The following RTTN variants were observed in gnomAD, a reference collection of about 807,000 sequenced individuals.
RTTN encodes rotatin.
A neutral mutation model predicts 269.2 loss-of-function variants in RTTN; 182 were observed. The ratio of observed to expected loss-of-function variants is 0.68; its 90% CI spans 0.60 to 0.76. The LOEUF (loss-of-function observed/expected upper bound fraction) is 0.76, where lower values mean the gene tolerates loss of function less well. RTTN is among the 30% of genes least tolerant of loss of function. The probability of loss-of-function intolerance (pLI) is 0.00; values close to 1 mark genes in which losing one functional copy is unlikely to be tolerated. For synonymous variants in RTTN, 1,006 were observed against 963.5 expected, an observed-to-expected ratio of 1.04 and a Z score of -0.82; for missense variants, 2,545 against 2,608.6, an observed-to-expected ratio of 0.98 and a Z score of 0.53.
chr18:70,043,109 G>C (rs2057393047), intron 40 of RTTN, among the ~76,000 whole-genome samples: 1 of 152,206 alleles, frequency 6.6e-6, no homozygotes, highest in Non-Finnish European at 1.5e-5. Flanking sequence ...AGGTTAGAAG[G>C]AATTGGGAAG....
intron 26 of RTTN, among the ~76,000 whole-genome samples, chr18:70,116,746 T>C (rs2059611102): frequency 6.6e-6 from 1 of 152,036 alleles, no homozygotes. Flanking sequence ...CAACTTTACA[T>C]CCATCAGCAA....
chr18:70,196,015 A>G (rs887861368), intron 7 of RTTN, among the ~76,000 whole-genome samples: 4 of 152,160 alleles, frequency 2.6e-5, no homozygotes, highest in African/African-American at 9.7e-5. Context: ...CCAGGCTGGT[A>G]CTCTATTTGG....
intron 32 of RTTN, among the ~76,000 whole-genome samples, chr18:70,079,509 C>T (rs550110049): frequency 3.9e-5 from 6 of 152,098 alleles, no homozygotes; most frequent in African/African-American, 1.2e-4. Context: ...ACACACTAGG[C>T]TCTGCTCCAT....
intron 38 of RTTN, among the ~76,000 whole-genome samples, chr18:70,052,022 C>T (rs1191843510): frequency 6.6e-6 from 1 of 152,118 alleles, no homozygotes; most frequent in Non-Finnish European, 1.5e-5. Flanking sequence ...TTTGAAGAAC[C>T]AAGAAAAGTA....
intron 23 of RTTN, among the ~76,000 whole-genome samples, chr18:70,132,637 C>A (rs2060026615): frequency 2.0e-5 from 3 of 151,724 alleles, no homozygotes. Context: ...GTGGAATATA[C>A]CAAAAGCCAT....
chr18:70,188,823 C>T (rs1239069637), intron 9 of RTTN, among the ~76,000 whole-genome samples: 2 of 152,164 alleles, frequency 1.3e-5, no homozygotes, highest in East Asian at 1.9e-4. Context: ...GACTCCACTT[C>T]CATTATCCTG....
At chr18:70,202,141 G>A (rs887701626) in intron 3 of RTTN, among the ~76,000 whole-genome samples, 158 bp from the exon 4 acceptor site, 10 of 152,040 alleles carry the variant, frequency 6.6e-5, no homozygotes, top group Non-Finnish European at 1.2e-4. Context: ...TCTTGCTAAA[G>A]AGGAAAAAAT....
At position 70,101,738 on chromosome 18, in the gene RTTN, A is replaced by G. The variant is rs553814367; in HGVS notation, c.3903+7760T>C. On this transcript the variant is annotated intron_variant, in intron 28 of 48. Coordinates refer to ENST00000640769, the MANE Select transcript of RTTN (RefSeq NM_173630.4). ...TAGTGCTATAAATTTCCCTTTACAC[A>G]CTGCTTTAAATGTGTCCCAGAAATT... is the stretch of plus-strand genomic sequence containing the variant. 2.0e-5 allele frequency among the ~76,000 whole-genome samples: 3 copies of G among 152,096 alleles called. No individual in the cohort carries two copies. The South Asian group carries it at 6.2e-4, about 32-fold the overall frequency.
chr18:70,201,718 A>T (rs2061958013), intron 4 of RTTN, among the ~76,000 whole-genome samples, 176 bp downstream of exon 4: 1 of 152,126 alleles, frequency 6.6e-6, no homozygotes. Flanking sequence ...AATAACACAA[A>T]ATTTTATCAT....
chr18:70,073,608 T>G (rs2058352873), intron 34 of RTTN, among the ~76,000 whole-genome samples: 1 of 152,190 alleles, frequency 6.6e-6, no homozygotes, highest in South Asian at 2.1e-4. Flanking sequence ...TCAGTGTAGC[T>G]ATACCGTAGC....
intron 11 of RTTN, among the ~76,000 whole-genome samples, chr18:70,175,479 T>A (rs1395409586): frequency 6.6e-6 from 1 of 152,158 alleles, no homozygotes; most frequent in Admixed American, 6.5e-5. Flanking sequence ...TACCAAATAT[T>A]AACTAGATGA....
chr18:70,056,061 T>C (rs903051510), intron 37 of RTTN, among the ~76,000 whole-genome samples: 5 of 152,236 alleles, frequency 3.3e-5, no homozygotes, highest in Admixed American at 3.3e-4. Context: ...TTTGTGACTA[T>C]CTGATACAAT....
At chr18:70,162,368 T>C (rs934467274) in intron 14 of RTTN, among the ~76,000 whole-genome samples, 1 of 151,774 alleles carries the variant, frequency 6.6e-6, no homozygotes, top group Non-Finnish European at 1.5e-5. Context: ...CAAGGGAAGG[T>C]GGGAAGAGAA....
intron 29 of RTTN, 79 bp downstream of exon 29, chr18:70,092,595 TTA>T (rs2058880309): frequency 6.7e-7 from 1 of 1,495,560 alleles, no homozygotes; most frequent in East Asian, 2.3e-5. Flanking sequence ...TGTGGCAAGT[TTA>T]TATGCTTGAA....
chr18:70,192,314 A>C (rs1054406178), intron 8 of RTTN, among the ~76,000 whole-genome samples: 2 of 152,300 alleles, frequency 1.3e-5, no homozygotes, highest in East Asian at 3.9e-4. Flanking sequence ...ACACATTTGC[A>C]CCCAAGGATA....
chr18:70,149,218 A>G (rs1173005322), intron 16 of RTTN, among the ~76,000 whole-genome samples, 181 bp from the exon 17 acceptor site: 2 of 152,230 alleles, frequency 1.3e-5, no homozygotes, highest in African/African-American at 4.8e-5. Context: ...AACTGTATTT[A>G]AAAGAAAATA....
At chr18:70,107,870 C>G (rs1209877083) in intron 28 of RTTN, among the ~76,000 whole-genome samples, 1 of 152,212 alleles carries the variant, frequency 6.6e-6, no homozygotes, top group Non-Finnish European at 1.5e-5. Flanking sequence ...AATACCTTCA[C>G]AGTAACAAAT....
intron 43 of RTTN, among the ~76,000 whole-genome samples, chr18:70,027,073 C>T (rs1027427263): frequency 1.3e-5 from 2 of 152,174 alleles, no homozygotes; most frequent in African/African-American, 2.4e-5. Context: ...TTACTCCCTA[C>T]CCTCCTTCTC....
chr18:70,028,859 T>C, intron 42 of RTTN, 58 bp from the exon 43 acceptor site: 1 of 1,175,798 alleles, frequency 8.5e-7, no homozygotes, highest in Non-Finnish European at 1.3e-6. Context: ...TCACTTTTTG[T>C]GTATAGTAAT....
Sources: gnomAD v4.1 joint callset for allele counts (sites outside exome capture counted in the v4.1 genomes callset) on GRCh38, gnomAD v4.1.1 for gene constraint, MANE v1.5 for transcripts, NCBI Gene and HGNC (gene_info 2026-07-23, HGNC 2026-07-21) for gene names.